The following FIGNL2 variants were observed in gnomAD, a reference collection of about 807,000 sequenced individuals.
The protein encoded by FIGNL2 is fidgetin like 2.
For missense variants in FIGNL2, 1,060 were observed against 950.2 expected (o/e 1.12, Z -1.52); for synonymous variants, 565 against 484.0 (o/e 1.17, Z -2.20).
rs765278599 is a variant in FIGNL2, at chr12:51,821,507, C to G, written c.907G>C (p.Glu303Gln). 3 of 1,563,392 alleles carry G rather than the reference C, an allele frequency of 1.9e-6. No homozygotes were observed. The highest frequency in any genetic ancestry group is 1.2e-5 in the South Asian group (1 of 85,472). ...GASYPAADNG[E>Q]CRGNGFRAKP... ...GCCCGGAACCCGTTGCCCCGACATT[C>G]GCCGTTGTCCGCGGCGGGGTAGGAG... Residue 303 changes from glutamate (E) to glutamine (Q), a missense_variant, in exon 2 of 2, where the codon GAA becomes CAA. Transcript: ENST00000618634.
At chr12:51,832,279 A>T (rs2138988308) in intron 1 of FIGNL2, among the ~76,000 whole-genome samples, 1 of 152,160 alleles carries the variant, frequency 6.6e-6, no homozygotes, top group East Asian at 1.9e-4. Context: ...AGCCTCCCAA[A>T]GTGCTGTGAT....
Position 51,830,690 on chromosome 12 carries a change from A to T in FIGNL2, c.-11-8266T>A, listed in dbSNP as rs148869692. Among the ~76,000 whole-genome samples, 856 of 151,912 alleles carry T rather than the reference A, an allele frequency of 5.6e-3. 8 individuals are homozygous for T. Among genetic ancestry groups the T allele is most frequent in the African/African-American group, 0.02 (813 of 41,418 alleles). On this transcript the variant is annotated intron_variant, in intron 1 of 1. Transcript: ENST00000618634. ...GTATTTTTAGTAGAGATGGGGTTTC[A>T]CCATGTTGGCCAGGCTGGTCTCAAA...
At chr12:51,840,975 G>A (rs533377281) in intron 1 of FIGNL2, among the ~76,000 whole-genome samples, 6 of 152,322 alleles carry the variant, frequency 3.9e-5, no homozygotes, top group Admixed American at 2.6e-4. Flanking sequence ...GCCCCTTCCC[G>A]TGCATGGGGG....
At chr12:51,834,271 G>A (rs1939541917) in intron 1 of FIGNL2, among the ~76,000 whole-genome samples, 3 of 151,962 alleles carry the variant, frequency 2.0e-5, no homozygotes, top group African/African-American at 7.3e-5. Context: ...GGAATGGATA[G>A]GGGAGGGGAG....
chr12:51,847,722 C>T, intron 1 of FIGNL2: 1 of 985,442 alleles, frequency 1.0e-6, no homozygotes, highest in Non-Finnish European at 1.2e-6. Context: ...TTGCTGATCA[C>T]CTACAGGGTG....
Position 51,821,602 on chromosome 12 carries a change from T to C in FIGNL2, c.812A>G (p.Asp271Gly). The C allele has an allele frequency of 6.6e-7, 1 of 1,505,712 alleles. No homozygotes were observed. Among genetic ancestry groups the C allele is most frequent in the South Asian group, 1.2e-5 (1 of 81,562 alleles). The allele number at this position is 1,505,712 out of a possible 1,614,324, so 93.3% of individuals were successfully genotyped here. ...GCGGTAGCGGCCCTCGGGCCCCTCG[T>C]CGGCGGCCTTGCGCTTCAGCGACAG... The part of the protein sequence containing the change: ...SGLSLKRKAA[D>G]EGPEGRYRKY... Residue 271 changes from aspartate to glycine, a missense_variant, in exon 2 of 2, where the codon GAC (aspartate) becomes GGC (glycine). Physicochemically the swap from Asp to Gly is moderately conservative, Grantham distance 94. Coordinates refer to ENST00000618634, the MANE Select transcript of FIGNL2 (RefSeq NM_001384995.1).
Position 51,822,410 on chromosome 12 carries a change from G to A in FIGNL2, c.4C>T (p.His2Tyr). The change falls in exon 2 of 2, where the codon CAC becomes TAC. Residue 2 changes from histidine (H) to tyrosine (Y), a missense_variant. Transcript: ENST00000618634. M[H>Y]WTPEHAQPLN... ...GGCTGGGCGTGTTCTGGTGTCCAGT[G>A]CATCTTCAACAGAGCTGCGGGCAAG... 1 of 1,613,524 alleles carries A rather than the reference G, an allele frequency of 6.2e-7. No homozygotes were observed. The highest frequency in any genetic ancestry group is 1.1e-5 in the South Asian group (1 of 90,920).
intron 1 of FIGNL2, among the ~76,000 whole-genome samples, chr12:51,829,097 C>A (rs911408653): frequency 6.6e-6 from 1 of 152,226 alleles, no homozygotes; most frequent in East Asian, 1.9e-4. Context: ...TGAGTCGGCT[C>A]CAGGCCGGTG....
chr12:51,847,573 C>T, intron 1 of FIGNL2: 1 of 985,400 alleles, frequency 1.0e-6, no homozygotes, highest in Non-Finnish European at 1.2e-6. Flanking sequence ...ACCCACCCGT[C>T]CACCCACCCC....
At chr12:51,845,222 C>T (rs746354204) in intron 1 of FIGNL2, among the ~76,000 whole-genome samples, 7 of 152,180 alleles carry the variant, frequency 4.6e-5, no homozygotes. Context: ...TGGGTTTAAA[C>T]GTGAAGTACA....
In FIGNL2 at chr12:51,820,661, C is replaced by T; in HGVS notation, c.1753G>A (p.Ala585Thr). The change falls in exon 2 of 2, where the codon GCG becomes ACG. Residue 585 changes from alanine (A) to threonine (T), a missense_variant. Physicochemically the swap from Ala to Thr is moderately conservative, Grantham distance 58. Coordinates refer to ENST00000618634, the MANE Select transcript of FIGNL2 (RefSeq NM_001384995.1). ...AAGCCCTGCGTGCCCTGCACCAGCG[C>T]CGCCAGTTCCCGCTCACTGAGCGCG... ...GCALSERELA[A>T]LVQGTQGFSG... 1.2e-5 allele frequency: 18 copies of T among 1,515,374 alleles called. No individual in the cohort carries two copies. Among genetic ancestry groups the T allele is most frequent in the Non-Finnish European group, 1.6e-5 (18 of 1,139,280 alleles). The allele number at this position is 1,515,374 out of a possible 1,614,324, so 93.9% of individuals were successfully genotyped here.
In FIGNL2 at chr12:51,836,464, C is replaced by T. The variant is rs144145823; in HGVS notation, c.-12+12076G>A. 1.9e-3 allele frequency among the ~76,000 whole-genome samples: 286 copies of T among 152,214 alleles called. No homozygotes were observed. The Middle Eastern group carries it at 0.02, about 11-fold the overall frequency. Reference sequence around the variant, plus strand: ...AGCACTCTCAAGTGGTAACACAGTCCGGGGGTCACAGCTGTGTCCCCCGAG... The same window carrying T: ...AGCACTCTCAAGTGGTAACACAGTCTGGGGGTCACAGCTGTGTCCCCCGAG... On this transcript the variant is annotated intron_variant, in intron 1 of 1. Transcript: ENST00000618634.
rs377179001 is a variant in FIGNL2 at position 51,847,771 on chromosome 12, G to C, written c.-12+769C>G. The C allele has an allele frequency of 1.7e-3, 1,638 of 985,390 alleles. 28 individuals carry two copies. The African/African-American group carries it at 0.026, about 16-fold the overall frequency. 61.0% of individuals were successfully genotyped at this position (985,390 alleles called of 1,614,324 possible). On this transcript the variant is annotated intron_variant, in intron 1 of 1. Coordinates refer to ENST00000618634, the MANE Select transcript of FIGNL2 (RefSeq NM_001384995.1). Reference sequence around the variant, plus strand: ...GAAGGACCCTCTGCAGCGGCGGGGGGGTTGCTAGCATGCGAATCTCTGTGT... The same window carrying C: ...GAAGGACCCTCTGCAGCGGCGGGGGCGTTGCTAGCATGCGAATCTCTGTGT...
At chr12:51,833,748 A>G (rs963213302) in intron 1 of FIGNL2, among the ~76,000 whole-genome samples, 8 of 152,172 alleles carry the variant, frequency 5.3e-5, no homozygotes, top group Non-Finnish European at 1.5e-5. Flanking sequence ...CTTCAACCTG[A>G]TGTTCCCTGT....
intron 1 of FIGNL2, chr12:51,847,638 C>T: frequency 2.0e-6 from 2 of 985,394 alleles, no homozygotes; most frequent in Non-Finnish European, 1.2e-6. Context: ...CTCTGCCCCG[C>T]GCAGACCCCT....
chr12:51,829,879 AGGAGGAAG>A (rs1345168649), intron 1 of FIGNL2, among the ~76,000 whole-genome samples: 1 of 152,080 alleles, frequency 6.6e-6, no homozygotes, highest in African/African-American at 2.4e-5. Flanking sequence ...GAGAATGGGA[AGGAGGAAG>A]GAAGGAAGAA....
chr12:51,829,321 T>C (rs968896191), intron 1 of FIGNL2, among the ~76,000 whole-genome samples: 1 of 152,172 alleles, frequency 6.6e-6, no homozygotes, highest in Non-Finnish European at 1.5e-5. Flanking sequence ...CTGGCAGAGC[T>C]TGAACAGGAC....
rs1939735391 is a variant in FIGNL2, at chr12:51,845,514, A to C, written c.-12+3026T>G. 3.0e-6 allele frequency: 3 copies of C among 985,174 alleles called. No homozygotes were observed. The African/African-American group carries it at 5.2e-5, about 17-fold the overall frequency. 61.0% of individuals were successfully genotyped at this position (985,174 alleles called of 1,614,324 possible). On this transcript the variant is annotated intron_variant, in intron 1 of 1. Coordinates refer to ENST00000618634, the MANE Select transcript of FIGNL2 (RefSeq NM_001384995.1). ...AGGGGGTCTCAGGGCTGCAGAGCACAGGGGCACTGGGGCCTGGAGTCCACA... is the reference window on the plus strand; with the variant it reads ...AGGGGGTCTCAGGGCTGCAGAGCACCGGGGCACTGGGGCCTGGAGTCCACA...
chr12:51,830,961 G>GTGTT lies in FIGNL2; in HGVS notation c.-11-8541_-11-8538dup, dbSNP rs373592343. Among the ~76,000 whole-genome samples the GTGTT allele has an allele frequency of 4.6e-4, 70 of 152,128 alleles. 1 individual carries two copies. The highest frequency in any genetic ancestry group is 4.3e-3 in the East Asian group (22 of 5,168). ...ATGCCACCGAGCTTGGCTAATGTTT[G>GTGTT]TGTTTGTTTGTTTGTTTGTTTTTGT... is the stretch of plus-strand genomic sequence containing the variant. On this transcript the variant is annotated intron_variant, in intron 1 of 1. Coordinates refer to ENST00000618634, the MANE Select transcript of FIGNL2 (RefSeq NM_001384995.1).
Sources: allele counts gnomAD v4.1 joint callset (sites outside exome capture counted in the v4.1 genomes callset), GRCh38; gene constraint gnomAD v4.1.1; transcripts MANE v1.5; gene names NCBI Gene and HGNC (gene_info 2026-07-23, HGNC 2026-07-21).